The following HEMK1 variants were observed in gnomAD, a reference collection of about 807,000 sequenced individuals.
HEMK1 encodes HemK methyltransferase 1, mitochondrial release factors N(5)-glutamine, also known as MTRF1L release factor glutamine methyltransferase.
A neutral mutation model predicts 47.9 loss-of-function variants in HEMK1; 36 were observed. The observed-to-expected ratio is 0.75, with a 90% CI of 0.58 to 0.99. The LOEUF (loss-of-function observed/expected upper bound fraction) is 0.99. Ranked by LOEUF, HEMK1 falls within the 50% of genes least tolerant of loss-of-function variation. HEMK1 has a pLI of 0.00. For synonymous variants in HEMK1, 153 were observed against 165.4 expected, an observed-to-expected ratio of 0.93 and a Z score of 0.57; for missense variants, 383 against 434.5, an observed-to-expected ratio of 0.88 and a Z score of 1.05.
chr3:50,572,191 C>T lies in HEMK1; in HGVS notation c.397C>T (p.Pro133Ser), dbSNP rs749821583. 1 of 1,611,796 alleles carries T rather than the reference C, an allele frequency of 6.2e-7. No homozygotes were observed. Among genetic ancestry groups the T allele is most frequent in the Non-Finnish European group, 8.5e-7 (1 of 1,178,648 alleles). ...AAGGATGGTGCCCCCAGTGTTTATTCCTCGGCCAGAAACAGAGGTAGGTGT... is the reference window on the plus strand; with the variant it reads ...AAGGATGGTGCCCCCAGTGTTTATTTCTCGGCCAGAAACAGAGGTAGGTGT... ...SLRMVPPVFI[P>S]RPETEELVEW... is the part of the protein sequence containing the mutation. Residue 133 changes from proline (P) to serine (S), a missense_variant, in exon 4 of 11, where the codon CCT becomes TCT. Transcript: ENST00000232854.
chr3:50,579,069 C>T, intron 8 of HEMK1, 143 bp downstream of exon 8: 1 of 627,828 alleles, frequency 1.6e-6, no homozygotes, highest in East Asian at 2.8e-5. Flanking sequence ...CTCGAGAGCC[C>T]ACAGTCCTAC....
chr3:50,570,754 A>C, intron 1 of HEMK1, 177 bp from the exon 2 acceptor site: 1 of 191,710 alleles, frequency 5.2e-6, no homozygotes, highest in Non-Finnish European at 1.1e-5. Context: ...CACTCCAGCT[A>C]AAAATGTGAA....
rs2030809961 is a variant in HEMK1 at position 50,581,540 on chromosome 3, C to T, written c.*1123C>T. 1 of 152,316 alleles carries T rather than the reference C, an allele frequency of 6.6e-6. No homozygotes were observed. 9.4% of individuals were successfully genotyped at this position (152,316 alleles called of 1,614,324 possible). On this transcript the variant is annotated 3_prime_UTR_variant, in exon 11 of 11. Coordinates refer to ENST00000232854, the MANE Select transcript of HEMK1 (RefSeq NM_016173.5). ...TGTCCTGCAGTGGGACCTTGGGCAA[C>T]TCCTTTCCCTATGAGAAGCTGGCTC...
rs2030656239 is a variant in HEMK1, at chr3:50,580,481, C to T, written c.*64C>T. The T allele has an allele frequency of 6.7e-7, 1 of 1,502,664 alleles. No homozygotes were observed. The highest frequency in any genetic ancestry group is 1.7e-5 in the Admixed American group (1 of 58,942). The allele number at this position is 1,502,664 out of a possible 1,614,324, so 93.1% of individuals were successfully genotyped here. On this transcript the variant is annotated 3_prime_UTR_variant, in exon 11 of 11. Coordinates refer to ENST00000232854, the MANE Select transcript of HEMK1 (RefSeq NM_016173.5). ...CTGACCAGAGGGGAGGTGGATGGCA[C>T]TTTCCAGAGCCCAGGTTCTTATGGC... is the stretch of plus-strand genomic sequence containing the variant.
rs758580065 is a variant in HEMK1, at chr3:50,571,276, C to T, written c.172C>T (p.Pro58Ser). 16 of 1,612,606 alleles carry T rather than the reference C, an allele frequency of 9.9e-6. No homozygotes were observed. The South Asian group carries it at 1.7e-4, about 17-fold the overall frequency. ...TGGGGTCTTTGAGAAGAGGGGTATCCCTGAGGCCCGGGAATCCAGTGAGTA... is the reference window on the plus strand; with the variant it reads ...TGGGGTCTTTGAGAAGAGGGGTATCTCTGAGGCCCGGGAATCCAGTGAGTA... The part of the protein sequence containing the change: ...WTGVFEKRGI[P>S]EARESSEYIV... The change falls in exon 2 of 11, where the codon CCT (proline) becomes TCT (serine). Residue 58 changes from proline (P) to serine (S), a missense_variant. Physicochemically the swap from Pro to Ser is moderately conservative, Grantham distance 74. Transcript: ENST00000232854.
intron 8 of HEMK1, 134 bp from the exon 9 acceptor site, chr3:50,579,710 G>T: frequency 1.6e-6 from 1 of 643,644 alleles, no homozygotes; most frequent in East Asian, 2.7e-5. Flanking sequence ...CTCCTTCTCT[G>T]GGTCCTCAGA....
rs1284976649 is a variant in HEMK1, at chr3:50,570,945, A to G, written c.-160A>G. The G allele has an allele frequency of 7.5e-6, 4 of 530,342 alleles. No individual in the cohort carries two copies. The highest frequency in any genetic ancestry group is 1.3e-5 in the Non-Finnish European group (4 of 302,016). 32.9% of individuals were successfully genotyped at this position (530,342 alleles called of 1,614,324 possible). On this transcript the variant is annotated 5_prime_UTR_variant, in exon 2 of 11. Coordinates refer to ENST00000232854, the MANE Select transcript of HEMK1 (RefSeq NM_016173.5). ...CTCACTCCCAGGGTGGCAACCAACT[A>G]TATCTGAGGACCAGAGCCATTTTGG... is the stretch of plus-strand genomic sequence containing the variant.
intron 7 of HEMK1, among the ~76,000 whole-genome samples, 171 bp downstream of exon 7, chr3:50,578,046 C>G (rs577908069): frequency 6.6e-6 from 1 of 152,290 alleles, no homozygotes; most frequent in East Asian, 1.9e-4. Context: ...TCAAACGAAG[C>G]CTTGGCTGAG....
chr3:50,580,451 C>T lies in HEMK1; in HGVS notation c.*34C>T, dbSNP rs773124794. The T allele has an allele frequency of 6.2e-7, 1 of 1,611,816 alleles. No homozygotes were observed. Among genetic ancestry groups the T allele is most frequent in the Non-Finnish European group, 8.5e-7 (1 of 1,178,090 alleles). On this transcript the variant is annotated 3_prime_UTR_variant, in exon 11 of 11. Transcript: ENST00000232854. The stretch of plus-strand genomic sequence containing the variant: ...CCCTGTGGATGCCTTGTCAGTGCCG[C>T]CAGCCTGACCAGAGGGGAGGTGGAT...
chr3:50,572,364 G>C (rs1310769249), intron 4 of HEMK1, among the ~76,000 whole-genome samples, 156 bp downstream of exon 4: 1 of 152,144 alleles, frequency 6.6e-6, no homozygotes, highest in Admixed American at 6.5e-5. Flanking sequence ...TGTTGGCAGA[G>C]CCCAGAGGAC....
In HEMK1 at chr3:50,586,898, G is replaced by A. The variant is rs1220136891; in HGVS notation, c.*6481G>A. The A allele has an allele frequency of 1.3e-5, 2 of 151,660 alleles. No individual in the cohort carries two copies. Among genetic ancestry groups the A allele is most frequent in the Non-Finnish European group, 2.9e-5 (2 of 68,010 alleles). The allele number at this position is 151,660 out of a possible 1,614,324, so 9.4% of individuals were successfully genotyped here. Reference sequence around the variant, plus strand: ...GTGTGAGGCTGAGCTACGTGACCAAGCAAAGCAAACTAGGACTACAGGTGT... The same window carrying A: ...GTGTGAGGCTGAGCTACGTGACCAAACAAAGCAAACTAGGACTACAGGTGT... On this transcript the variant is annotated 3_prime_UTR_variant, in exon 11 of 11. Coordinates refer to ENST00000232854, the MANE Select transcript of HEMK1 (RefSeq NM_016173.5).
rs2031854450 is a variant in HEMK1, at chr3:50,594,161, G to C, written c.*13744G>C. 1 of 152,134 alleles carries C rather than the reference G, an allele frequency of 6.6e-6. No homozygotes were observed. Among genetic ancestry groups the C allele is most frequent in the Admixed American group, 6.5e-5 (1 of 15,270 alleles). The allele number at this position is 152,134 out of a possible 1,614,324, so 9.4% of individuals were successfully genotyped here. A position where few individuals can be genotyped will look rare whatever the true frequency, so the allele number is the denominator to read the frequency against. ...ATTGTTTCTCACTTGGGGTGCCTCT[G>C]GTCCCTCCCTGTCAAGTGCACTTGC... On this transcript the variant is annotated 3_prime_UTR_variant, in exon 11 of 11. Coordinates refer to ENST00000232854, the MANE Select transcript of HEMK1 (RefSeq NM_016173.5).
rs1378408396 is a variant in HEMK1 at position 50,587,696 on chromosome 3, C to T, written c.*7279C>T. The T allele has an allele frequency of 2.6e-5, 4 of 152,356 alleles. No individual in the cohort carries two copies. The highest frequency in any genetic ancestry group is 5.9e-5 in the Non-Finnish European group (4 of 68,090). 9.4% of individuals were successfully genotyped at this position (152,356 alleles called of 1,614,324 possible). On this transcript the variant is annotated 3_prime_UTR_variant, in exon 11 of 11. Coordinates refer to ENST00000232854, the MANE Select transcript of HEMK1 (RefSeq NM_016173.5). This position sits in a 1 kb window ranked among gnomAD's most constrained non-coding sequence, Gnocchi z 4.2. ...GGGATATGTAGGGGTGAGGTGGTGC[C>T]GAGAGGTCCCCTTGGCTGAGCTCTG...
chr3:50,570,467 G>C (rs1288524841), intron 1 of HEMK1: 2 of 152,204 alleles, frequency 1.3e-5, no homozygotes, highest in Non-Finnish European at 2.9e-5. Flanking sequence ...GCAATCATCT[G>C]CCTCTTGTAA....
At position 50,579,877 on chromosome 3, in the gene HEMK1, G is replaced by A; in HGVS notation, c.804G>A (p.Glu268=). The part of the protein sequence containing the change: ...YEDPAALDGG[E]EGMDIITHIL... ...ACCCCGCGGCCCTGGATGGTGGGGAGGAGGGCATGGACATCATTACCCACA... is the reference window on the plus strand; with the variant it reads ...ACCCCGCGGCCCTGGATGGTGGGGAAGAGGGCATGGACATCATTACCCACA... The change falls in exon 9 of 11, where the codon GAG becomes GAA. Residue 268 remains glutamate, a synonymous_variant. Transcript: ENST00000232854. 1 of 1,614,020 alleles carries A rather than the reference G, an allele frequency of 6.2e-7. No homozygotes were observed. The highest frequency in any genetic ancestry group is 8.5e-7 in the Non-Finnish European group (1 of 1,179,938).
rs1700905170 is a variant in HEMK1, at chr3:50,571,149, A to G, written c.45A>G (p.Pro15=). ...TGCTGTGGGCCCTCCTGTCTGGCCC[A>G]GGGAGGAGGGGAAGTACCCGGGGCT... ...GRMLWALLSG[P]GRRGSTRGWA... Residue 15 remains proline (P), a synonymous_variant, in exon 2 of 11, where the codon CCA becomes CCG. Transcript: ENST00000232854. The G allele has an allele frequency of 1.2e-6, 2 of 1,612,450 alleles. No individual in the cohort carries two copies. The highest frequency in any genetic ancestry group is 1.7e-6 in the Non-Finnish European group (2 of 1,179,350).
chr3:50,576,495 G>A (rs939174209), intron 4 of HEMK1, among the ~76,000 whole-genome samples: 3 of 152,300 alleles, frequency 2.0e-5, no homozygotes, highest in Admixed American at 2.0e-4. Context: ...TACCTCCCGG[G>A]CTCAAGCAAT....
intron 5 of HEMK1, 37 bp downstream of exon 5, chr3:50,577,223 G>T (rs571535331): frequency 6.3e-7 from 1 of 1,584,152 alleles, no homozygotes; most frequent in South Asian, 1.1e-5. Context: ...GACTGTGACT[G>T]ACACTCACTG....
rs536557807 is a variant in HEMK1 at position 50,571,032 on chromosome 3, C to G, written c.-73C>G. The G allele has an allele frequency of 8.2e-7, 1 of 1,220,502 alleles. No individual in the cohort carries two copies. Among genetic ancestry groups the G allele is most frequent in the Admixed American group, 2.3e-5 (1 of 43,064 alleles). The allele number at this position is 1,220,502 out of a possible 1,614,324, so 75.6% of individuals were successfully genotyped here. On this transcript the variant is annotated 5_prime_UTR_variant, in exon 2 of 11. Transcript: ENST00000232854. Reference sequence around the variant, plus strand: ...CTGGGTCCAGGGGCCACTCTCAGCACTCACCTCAGCAGCTGACATCATAAA... The same window carrying G: ...CTGGGTCCAGGGGCCACTCTCAGCAGTCACCTCAGCAGCTGACATCATAAA...
Sources: gnomAD v4.1 joint callset for allele counts (sites outside exome capture counted in the v4.1 genomes callset) on GRCh38, gnomAD v4.1.1 for gene constraint, Gnocchi (gnomAD v3.1) non-coding constraint, MANE v1.5 for transcripts, NCBI Gene and HGNC (gene_info 2026-07-23, HGNC 2026-07-21) for gene names.